Variants in VSNL1 observed in about 807,000 individuals in gnomAD.
VSNL1 encodes the protein visinin-like protein 1.
In VSNL1, 6 loss-of-function variants were observed where a neutral mutation model predicts 20.4. The ratio of observed to expected loss-of-function variants is 0.29; its 90% CI spans 0.16 to 0.58. The LOEUF (loss-of-function observed/expected upper bound fraction) is 0.58. VSNL1 is among the 20% of genes least tolerant of loss of function. The pLI is 0.90. For synonymous variants in VSNL1, 93 were observed against 86.4 expected (o/e 1.08, Z -0.42); for missense variants, 100 against 234.5 (o/e 0.43, Z 3.75).
At position 17,655,455 on chromosome 2, in the gene VSNL1, T is replaced by TCACACACACACACA. The variant is rs3064980; in HGVS notation, c.*94_*107dup. On this transcript the variant is annotated 3_prime_UTR_variant, in exon 4 of 4. Coordinates refer to ENST00000295156, the MANE Select transcript of VSNL1 (RefSeq NM_003385.5). This position sits in a 1 kb window ranked among gnomAD's most constrained non-coding sequence, Gnocchi z 5.2. ...AATGTTCCATTCAGTCTGCAGCTAT[T>TCACACACACACACA]CACACACACACACACACACACACAC... is the stretch of plus-strand genomic sequence containing the variant. 506 of 537,448 alleles carry TCACACACACACACA rather than the reference T, an allele frequency of 9.4e-4. 2 individuals are homozygous for TCACACACACACACA. Among genetic ancestry groups the TCACACACACACACA allele is most frequent in the African/African-American group, 6.6e-3 (331 of 50,082 alleles). The allele number at this position is 537,448 out of a possible 1,614,324, so 33.3% of individuals were successfully genotyped here. A position where few individuals can be genotyped will look rare whatever the true frequency, so the allele number is the denominator to read the frequency against.
intron 1 of VSNL1, among the ~76,000 whole-genome samples, chr2:17,570,218 A>G (rs781564449): frequency 3.9e-5 from 6 of 152,182 alleles, no homozygotes; most frequent in Admixed American, 3.3e-4. Context: ...AAAGCTTTTT[A>G]GTTTTTGCTG....
At chr2:17,640,229 G>A (rs1388379604) in intron 2 of VSNL1, among the ~76,000 whole-genome samples, 1 of 150,066 alleles carries the variant, frequency 6.7e-6, no homozygotes, top group African/African-American at 2.5e-5. Context: ...CTCTGGCCTG[G>A]GCAACAGAGC....
chr2:17,631,948 A>G (rs1665641701), intron 2 of VSNL1, among the ~76,000 whole-genome samples: 1 of 151,990 alleles, frequency 6.6e-6, no homozygotes, highest in Non-Finnish European at 1.5e-5. Context: ...GTGCAGTGGC[A>G]TGATCTCAGC....
intron 2 of VSNL1, among the ~76,000 whole-genome samples, chr2:17,647,334 C>T (rs980377153): frequency 1.3e-5 from 2 of 152,094 alleles, no homozygotes; most frequent in Non-Finnish European, 2.9e-5. Context: ...GAAATGCTGG[C>T]GGGTAAACAG....
At chr2:17,619,890 A>C (rs1572202638) in intron 2 of VSNL1, among the ~76,000 whole-genome samples, 1 of 150,994 alleles carries the variant, frequency 6.6e-6, no homozygotes. Flanking sequence ...ATCCCCCCCC[A>C]AAAGGCCCCC....
At chr2:17,604,764 C>T (rs1362680721) in intron 2 of VSNL1, among the ~76,000 whole-genome samples, 1 of 152,216 alleles carries the variant, frequency 6.6e-6, no homozygotes, top group African/African-American at 2.4e-5. Flanking sequence ...GTGTGGCTCA[C>T]AGTGTTTTTA....
chr2:17,583,289 C>T (rs575193896), intron 1 of VSNL1, among the ~76,000 whole-genome samples: 1 of 152,348 alleles, frequency 6.6e-6, no homozygotes, highest in African/African-American at 2.4e-5. Context: ...TGAAGCGGGA[C>T]ACTCCAGGTC....
rs187069666 is a variant in VSNL1, at chr2:17,567,879, A to G, written c.-5-24191A>G. 2.1e-3 allele frequency among the ~76,000 whole-genome samples: 316 copies of G among 152,248 alleles called. 1 individual carries two copies. Among genetic ancestry groups the G allele is most frequent in the African/African-American group, 7.5e-3 (311 of 41,542 alleles). On this transcript the variant is annotated intron_variant, in intron 1 of 3. Transcript: ENST00000295156. The stretch of plus-strand genomic sequence containing the variant: ...ACCTGTAATAGATTTTCTAATATGT[A>G]TCATTTTGCATTCCAGGAATAACCC...
intron 2 of VSNL1, among the ~76,000 whole-genome samples, chr2:17,597,441 C>T (rs62132127): frequency 0.084 from 12,764 of 152,170 alleles, 562 homozygotes; most frequent in East Asian, 0.13. Flanking sequence ...GGGCTCTGGC[C>T]CACCTCTCCT....
intron 2 of VSNL1, among the ~76,000 whole-genome samples, chr2:17,607,853 T>A (rs16983722): frequency 0.038 from 5,718 of 152,308 alleles, 381 homozygotes; most frequent in African/African-American, 0.13. Context: ...TCCAGAATAA[T>A]GAGCTACAGA....
At chr2:17,548,840 T>G (rs1663459750) in intron 1 of VSNL1, among the ~76,000 whole-genome samples, 1 of 152,164 alleles carries the variant, frequency 6.6e-6, no homozygotes, top group South Asian at 2.1e-4. Context: ...ACTGAATCAA[T>G]GCCCTAGCTT....
intron 2 of VSNL1, among the ~76,000 whole-genome samples, chr2:17,595,738 A>G (rs1442245244): frequency 6.6e-6 from 1 of 152,132 alleles, no homozygotes; most frequent in South Asian, 2.1e-4. Flanking sequence ...AGGAGAGGAA[A>G]TTTGGACACA....
chr2:17,559,899 GAC>G, intron 1 of VSNL1, among the ~76,000 whole-genome samples: 1 of 151,958 alleles, frequency 6.6e-6, no homozygotes, highest in South Asian at 2.1e-4. Flanking sequence ...AGATTAAACT[GAC>G]ATCTTTTGCT....
At chr2:17,615,873 T>A (rs758684754) in intron 2 of VSNL1, among the ~76,000 whole-genome samples, 1 of 152,230 alleles carries the variant, frequency 6.6e-6, no homozygotes, top group Non-Finnish European at 1.5e-5. Flanking sequence ...CTCATCTGTC[T>A]CTTTGGCCTA....
intron 2 of VSNL1, among the ~76,000 whole-genome samples, chr2:17,636,321 G>A (rs1665746284): frequency 6.6e-6 from 1 of 152,102 alleles, no homozygotes; most frequent in African/African-American, 2.4e-5. Flanking sequence ...CCAAGGGCAG[G>A]AAAAGGCTGC....
chr2:17,622,850 G>T (rs1388483973), intron 2 of VSNL1, among the ~76,000 whole-genome samples: 1 of 152,184 alleles, frequency 6.6e-6, no homozygotes, highest in Non-Finnish European at 1.5e-5. Flanking sequence ...AACAGGAGAG[G>T]CCAGGCTCCT....
At chr2:17,640,888 A>G (rs1249292560) in intron 2 of VSNL1, among the ~76,000 whole-genome samples, 1 of 152,206 alleles carries the variant, frequency 6.6e-6, no homozygotes, top group Non-Finnish European at 1.5e-5. Context: ...ATGGTTAACA[A>G]TACTCACCCT....
chr2:17,559,761 T>G (rs192981321), intron 1 of VSNL1, among the ~76,000 whole-genome samples: 1 of 152,244 alleles, frequency 6.6e-6, no homozygotes, highest in East Asian at 1.9e-4. Context: ...AGATACAGAT[T>G]TATCTTTGTA....
At chr2:17,631,490 C>T (rs565287337) in intron 2 of VSNL1, among the ~76,000 whole-genome samples, 1 of 152,280 alleles carries the variant, frequency 6.6e-6, no homozygotes, top group African/African-American at 2.4e-5. Context: ...CACATTAGCA[C>T]TCTGGTTAAC....
Sources: allele counts gnomAD v4.1 joint callset (sites outside exome capture counted in the v4.1 genomes callset), GRCh38; gene constraint gnomAD v4.1.1; non-coding constraint Gnocchi (gnomAD v3.1); transcripts MANE v1.5; gene names NCBI Gene and HGNC (gene_info 2026-07-23, HGNC 2026-07-21).